RAP1GDS1: variants seen among roughly 807,000 people sequenced by gnomAD.
RAP1GDS1 encodes RAP1, GTP-GDP dissociation stimulator 1.
RAP1GDS1 carries 35 observed loss-of-function variants against 71.1 expected under a neutral mutation model. That is an observed-to-expected ratio of 0.49 (90% CI 0.38 to 0.65). RAP1GDS1 has a LOEUF of 0.65. RAP1GDS1 is among the 30% of genes least tolerant of loss of function. RAP1GDS1 has a pLI of 0.00. For missense variants in RAP1GDS1, 663 were observed against 706.1 expected (o/e 0.94, Z 0.69); for synonymous variants, 229 against 243.1 (o/e 0.94, Z 0.54).
chr4:98,298,730 A>G (rs1340698171), intron 2 of RAP1GDS1, among the ~76,000 whole-genome samples: 3 of 152,142 alleles, frequency 2.0e-5, no homozygotes, highest in Non-Finnish European at 2.9e-5. Flanking sequence ...TGTTAACACA[A>G]CATCCGTGGA....
chr4:98,272,725 G>C (rs1723651227), intron 1 of RAP1GDS1, among the ~76,000 whole-genome samples: 1 of 152,018 alleles, frequency 6.6e-6, no homozygotes, highest in South Asian at 2.1e-4. Context: ...GTTTGGCTTT[G>C]GGAAGTGCTT....
chr4:98,358,811 G>C (rs1738309002), intron 4 of RAP1GDS1, among the ~76,000 whole-genome samples: 1 of 151,868 alleles, frequency 6.6e-6, no homozygotes, highest in Non-Finnish European at 1.5e-5. Flanking sequence ...CAGTGTCCTG[G>C]TTATGCTATT....
intron 3 of RAP1GDS1, among the ~76,000 whole-genome samples, chr4:98,346,385 G>GGTACAT (rs1301938202): frequency 6.6e-6 from 1 of 151,844 alleles, no homozygotes; most frequent in Non-Finnish European, 1.5e-5. Flanking sequence ...TTCCATAACA[G>GGTACAT]GTACATGTAG....
intron 5 of RAP1GDS1, among the ~76,000 whole-genome samples, chr4:98,383,775 A>T (rs1742340228): frequency 6.6e-6 from 1 of 151,634 alleles, no homozygotes; most frequent in Non-Finnish European, 1.5e-5. Context: ...CTTTCAGTCA[A>T]TAGCAACAAT....
chr4:98,350,792 T>C (rs1164802035), intron 3 of RAP1GDS1, among the ~76,000 whole-genome samples: 1 of 152,078 alleles, frequency 6.6e-6, no homozygotes. Flanking sequence ...GAGCCGAGAC[T>C]GTGCCATTGC....
intron 2 of RAP1GDS1, among the ~76,000 whole-genome samples, chr4:98,301,038 A>G (rs933459355): frequency 8.7e-5 from 13 of 149,086 alleles, no homozygotes; most frequent in African/African-American, 3.3e-4. Context: ...ATCTCTGAAC[A>G]TACTCCTGCT....
intron 4 of RAP1GDS1, among the ~76,000 whole-genome samples, chr4:98,361,879 A>G (rs1003781443): frequency 1.3e-5 from 2 of 152,210 alleles, no homozygotes; most frequent in African/African-American, 2.4e-5. Context: ...TGTGCACTTA[A>G]CAGTCATGGT....
intron 4 of RAP1GDS1, among the ~76,000 whole-genome samples, chr4:98,364,901 C>T (rs565910916): frequency 1.3e-5 from 2 of 152,092 alleles, no homozygotes; most frequent in African/African-American, 2.4e-5. Flanking sequence ...TGGTGGCACA[C>T]ACCTGTAATC....
intron 4 of RAP1GDS1, among the ~76,000 whole-genome samples, chr4:98,375,581 G>A (rs1252062535): frequency 1.3e-5 from 2 of 152,104 alleles, no homozygotes; most frequent in Non-Finnish European, 2.9e-5. Context: ...ATATTAGAAA[G>A]ATTTTTGATA....
chr4:98,336,872 G>C (rs1386451689), intron 2 of RAP1GDS1, among the ~76,000 whole-genome samples: 1 of 151,420 alleles, frequency 6.6e-6, no homozygotes, highest in Non-Finnish European at 1.5e-5. Context: ...TTTCATTCTG[G>C]GTTTTTTTTG....
intron 2 of RAP1GDS1, among the ~76,000 whole-genome samples, chr4:98,320,766 T>C (rs1201872786): frequency 6.7e-6 from 1 of 149,206 alleles, no homozygotes; most frequent in African/African-American, 2.5e-5. Context: ...CAAAAACCCA[T>C]CTGTACATCA....
intron 3 of RAP1GDS1, among the ~76,000 whole-genome samples, chr4:98,350,220 A>G (rs547097956): frequency 2.6e-5 from 4 of 152,352 alleles, no homozygotes; most frequent in South Asian, 2.1e-4. Flanking sequence ...CATTGCCTGA[A>G]TAGCAATAAC....
At chr4:98,373,609 G>A (rs888175920) in intron 4 of RAP1GDS1, among the ~76,000 whole-genome samples, 1 of 152,058 alleles carries the variant, frequency 6.6e-6, no homozygotes, top group Non-Finnish European at 1.5e-5. Flanking sequence ...GAGATTCCAG[G>A]TACAGTAGTG....
At chr4:98,397,979 G>A (rs1246399923) in intron 6 of RAP1GDS1, among the ~76,000 whole-genome samples, 1 of 152,042 alleles carries the variant, frequency 6.6e-6, no homozygotes, top group Admixed American at 6.6e-5. Flanking sequence ...TGACCCTATA[G>A]GGAATCTTGC....
chr4:98,321,201 C>T (rs1314635115), intron 2 of RAP1GDS1, among the ~76,000 whole-genome samples: 2,749 of 95,768 alleles, frequency 0.029, no homozygotes, highest in East Asian at 0.035. Context: ...TGAAATGAAG[C>T]GAGAAGGGAA....
At chr4:98,338,415 C>G (rs1254053477) in intron 2 of RAP1GDS1, among the ~76,000 whole-genome samples, 1 of 152,156 alleles carries the variant, frequency 6.6e-6, no homozygotes, top group Admixed American at 6.5e-5. Context: ...TAATTGAAGC[C>G]TTGGGTTTAG....
intron 6 of RAP1GDS1, among the ~76,000 whole-genome samples, chr4:98,393,662 A>C (rs770351985): frequency 2.8e-4 from 42 of 152,204 alleles, no homozygotes; most frequent in Non-Finnish European, 5.7e-4. Context: ...AGCAGTTTCT[A>C]GAACAGCACT....
At chr4:98,403,874 T>C (rs1175838000) in intron 6 of RAP1GDS1, among the ~76,000 whole-genome samples, 1 of 152,174 alleles carries the variant, frequency 6.6e-6, no homozygotes, top group Non-Finnish European at 1.5e-5. Context: ...AGCAATGTTA[T>C]CAGAAACTTA....
chr4:98,368,182 G>C (rs1164477395), intron 4 of RAP1GDS1, among the ~76,000 whole-genome samples: 7 of 152,106 alleles, frequency 4.6e-5, no homozygotes, highest in African/African-American at 1.4e-4. Context: ...GAGTTTTCCT[G>C]CACAAGCTCT....
Sources: allele counts gnomAD v4.1 joint callset (sites outside exome capture counted in the v4.1 genomes callset), GRCh38; gene constraint gnomAD v4.1.1; transcripts MANE v1.5; gene names NCBI Gene and HGNC (gene_info 2026-07-23, HGNC 2026-07-21).